CSMD1: variants seen among roughly 807,000 people sequenced by gnomAD.
The protein encoded by CSMD1 is CUB and Sushi multiple domains 1.
Under a neutral mutation model 417.5 loss-of-function variants are expected in CSMD1, and 213 were observed. The observed-to-expected ratio is 0.51, with a 90% confidence interval of 0.46 to 0.57. The LOEUF (loss-of-function observed/expected upper bound fraction) is 0.57, where lower values mean the gene tolerates loss of function less well. CSMD1 is among the 20% of genes least tolerant of loss of function. CSMD1 has a pLI of 0.00. For synonymous variants in CSMD1, 2,862 were observed against 1,736.8 expected (o/e 1.65, Z -16.11); for missense variants, 6,923 against 4,529.7 (o/e 1.53, Z -15.17).
intron 5 of CSMD1, among the ~76,000 whole-genome samples, chr8:3,973,405 C>A (rs1413550390): frequency 1.3e-5 from 2 of 152,222 alleles, no homozygotes; most frequent in Non-Finnish European, 2.9e-5. Context: ...TCACCTGTCA[C>A]ACCCTACTAG....
intron 1 of CSMD1, among the ~76,000 whole-genome samples, chr8:4,834,911 G>A (rs377753076): frequency 1.5e-4 from 18 of 123,208 alleles, no homozygotes; most frequent in African/African-American, 5.1e-4. Flanking sequence ...GATCTGAGAT[G>A]GCGCCACTGC....
At chr8:3,642,209 T>C (rs1797341766) in intron 7 of CSMD1, among the ~76,000 whole-genome samples, 1 of 151,472 alleles carries the variant, frequency 6.6e-6, no homozygotes, top group South Asian at 2.1e-4. Context: ...ATGATGTATA[T>C]AAAAATATGT....
Position 3,407,448 on chromosome 8 carries a change from G to T in CSMD1, c.2071+451C>A, listed in dbSNP as rs189471634. On this transcript the variant is annotated intron_variant, in intron 14 of 69. Coordinates refer to ENST00000635120, the MANE Select transcript of CSMD1 (RefSeq NM_033225.6). ...GGATGGATAGATGGAAGGATGGATG[G>T]AAAGATGGATGGAAGAAAGGATGGA... is the stretch of plus-strand genomic sequence containing the variant. 1.2e-3 allele frequency among the ~76,000 whole-genome samples: 189 copies of T among 152,020 alleles called. 1 individual carries two copies. Among genetic ancestry groups the T allele is most frequent in the Admixed American group, 2.6e-3 (40 of 15,270 alleles).
intron 1 of CSMD1, among the ~76,000 whole-genome samples, chr8:4,779,919 C>A (rs933524453): frequency 1.4e-5 from 2 of 147,732 alleles, no homozygotes; most frequent in Non-Finnish European, 3.0e-5. Flanking sequence ...TTTTTTTTTT[C>A]TCCAATAAGA....
chr8:3,875,623 A>G (rs191879804), intron 5 of CSMD1, among the ~76,000 whole-genome samples: 3 of 152,292 alleles, frequency 2.0e-5, no homozygotes, highest in Non-Finnish European at 4.4e-5. Flanking sequence ...GGAGGACCAG[A>G]GTTTCCTCAC....
chr8:4,247,386 T>A (rs1413504578), intron 3 of CSMD1, among the ~76,000 whole-genome samples: 2 of 152,154 alleles, frequency 1.3e-5, no homozygotes, highest in Non-Finnish European at 2.9e-5. Context: ...GAGTCAGTTG[T>A]AGAATTGGTT....
intron 7 of CSMD1, among the ~76,000 whole-genome samples, chr8:3,633,993 T>A (rs759573532): frequency 6.6e-6 from 1 of 150,704 alleles, no homozygotes; most frequent in African/African-American, 2.5e-5. Flanking sequence ...ATGACCCTTA[T>A]ATAAAATGTC....
intron 1 of CSMD1, among the ~76,000 whole-genome samples, chr8:4,658,571 C>A (rs993937635): frequency 3.3e-5 from 5 of 152,038 alleles, no homozygotes; most frequent in African/African-American, 1.2e-4. Flanking sequence ...TAAATATATT[C>A]ACAAATTTTT....
At chr8:4,162,236 T>C (rs1447443265) in intron 3 of CSMD1, among the ~76,000 whole-genome samples, 9 of 152,228 alleles carry the variant, frequency 5.9e-5, no homozygotes, top group Admixed American at 5.9e-4. Context: ...CCAGTATTCA[T>C]CTAAGAAACA....
At chr8:3,987,540 C>A (rs142630527) in intron 5 of CSMD1, among the ~76,000 whole-genome samples, 19 of 152,232 alleles carry the variant, frequency 1.2e-4, no homozygotes, top group Middle Eastern at 3.4e-3. Flanking sequence ...TGACTCTAGC[C>A]CAAATGGTGC....
At chr8:3,391,827 G>C (rs1348256520) in intron 17 of CSMD1, among the ~76,000 whole-genome samples, 3 of 152,200 alleles carry the variant, frequency 2.0e-5, no homozygotes, top group South Asian at 2.1e-4. Flanking sequence ...CTATGGGCAT[G>C]AAGAAGCGTC....
chr8:3,078,902 G>T (rs1251825646), intron 49 of CSMD1, among the ~76,000 whole-genome samples: 2 of 152,060 alleles, frequency 1.3e-5, no homozygotes, highest in Admixed American at 1.3e-4. Flanking sequence ...TTTTTGTTGG[G>T]CTCCTGTTCT....
intron 5 of CSMD1, among the ~76,000 whole-genome samples, chr8:3,785,049 G>T (rs570784501): frequency 6.6e-6 from 1 of 152,286 alleles, no homozygotes; most frequent in African/African-American, 2.4e-5. Context: ...TAGAAAAACT[G>T]CCCATCTCAC....
At position 4,196,711 on chromosome 8, in the gene CSMD1, G is replaced by C. The variant is rs746986873; in HGVS notation, c.416-164612C>G. On this transcript the variant is annotated intron_variant, in intron 3 of 69. Coordinates refer to ENST00000635120, the MANE Select transcript of CSMD1 (RefSeq NM_033225.6). ...TTAAGAGTTCACATAGCTAGAATAG[G>C]TCCACCAGGGTAATTAGGATGGTCT... Among the ~76,000 whole-genome samples the C allele has an allele frequency of 1.3e-4, 20 of 152,042 alleles. 1 individual carries two copies. The highest frequency in any genetic ancestry group is 2.5e-4 in the Non-Finnish European group (17 of 68,014).
At chr8:3,128,888 T>C (rs1387345415) in intron 41 of CSMD1, 1 of 455,156 alleles carries the variant, frequency 2.2e-6, no homozygotes. Context: ...AGGACCAATG[T>C]TTCCAGATCC....
At chr8:3,298,033 A>G (rs1319680492) in intron 25 of CSMD1, among the ~76,000 whole-genome samples, 1 of 152,178 alleles carries the variant, frequency 6.6e-6, no homozygotes, top group Non-Finnish European at 1.5e-5. Context: ...AATGCAAATA[A>G]AAAGGTACCA....
At chr8:3,149,592 C>G (rs570040811) in intron 40 of CSMD1, among the ~76,000 whole-genome samples, 1 of 152,182 alleles carries the variant, frequency 6.6e-6, no homozygotes, top group East Asian at 1.9e-4. Flanking sequence ...ATTCTCTTGC[C>G]TCAGCCTCCC....
chr8:4,059,901 C>T (rs1235656972), intron 3 of CSMD1, among the ~76,000 whole-genome samples: 1 of 151,572 alleles, frequency 6.6e-6, no homozygotes, highest in Admixed American at 6.6e-5. Flanking sequence ...TGAAACTATT[C>T]CAATCAATAG....
chr8:4,462,446 T>C (rs1799891854), intron 2 of CSMD1, among the ~76,000 whole-genome samples: 1 of 152,116 alleles, frequency 6.6e-6, no homozygotes, highest in Admixed American at 6.5e-5. Context: ...TTTAACATAA[T>C]TCCTATTAAA....
Sources: allele counts gnomAD v4.1 joint callset (sites outside exome capture counted in the v4.1 genomes callset), GRCh38; gene constraint gnomAD v4.1.1; transcripts MANE v1.5; gene names NCBI Gene and HGNC (gene_info 2026-07-23, HGNC 2026-07-21).